CTNNA2: variants seen among roughly 807,000 people sequenced by gnomAD.
The protein encoded by CTNNA2 is catenin alpha-2.
A neutral mutation model predicts 101.0 loss-of-function variants in CTNNA2; 42 were observed. The ratio of observed to expected loss-of-function variants is 0.42; its 90% CI spans 0.32 to 0.54. The LOEUF (loss-of-function observed/expected upper bound fraction) is 0.54. CTNNA2 is among the 20% of genes least tolerant of loss of function. The probability of loss-of-function intolerance (pLI) is 0.14; values close to 1 mark genes in which losing one functional copy is unlikely to be tolerated. For missense variants in CTNNA2, 871 were observed against 1,223.1 expected (o/e 0.71, Z 4.29); for synonymous variants, 450 against 456.4 (o/e 0.99, Z 0.18).
chr2:79,367,030 A>G (rs1677766543), intron 3 of CTNNA2, among the ~76,000 whole-genome samples: 1 of 152,180 alleles, frequency 6.6e-6, no homozygotes, highest in South Asian at 2.1e-4. Context: ...GTATTTGGAG[A>G]TGGAGCCTTT....
At chr2:79,756,437 CT>C (rs1390235931) in intron 3 of CTNNA2, among the ~76,000 whole-genome samples, 1 of 152,006 alleles carries the variant, frequency 6.6e-6, no homozygotes, top group Admixed American at 6.6e-5. Context: ...CATACATTAT[CT>C]GCTAATAAGA....
At chr2:79,461,803 A>G (rs529537062) in intron 4 of CTNNA2, among the ~76,000 whole-genome samples, 34 of 152,272 alleles carry the variant, frequency 2.2e-4, no homozygotes, top group African/African-American at 8.2e-4. Flanking sequence ...CAGCAATATA[A>G]AGGTAAAATT....
intron 3 of CTNNA2, among the ~76,000 whole-genome samples, chr2:79,814,606 T>TACACAC (rs1491289274): frequency 9.8e-6 from 1 of 102,084 alleles, no homozygotes; most frequent in Non-Finnish European, 1.8e-5. Flanking sequence ...TATATGTGTG[T>TACACAC]ATACACACAC....
At chr2:80,351,656 C>T (rs1673307782) in intron 7 of CTNNA2, among the ~76,000 whole-genome samples, 1 of 152,126 alleles carries the variant, frequency 6.6e-6, no homozygotes, top group South Asian at 2.1e-4. Context: ...AGCAGAGGGG[C>T]GTTAATTTCA....
At chr2:79,199,974 C>A (rs111669286) in intron 2 of CTNNA2, among the ~76,000 whole-genome samples, 2 of 152,110 alleles carry the variant, frequency 1.3e-5, no homozygotes, top group African/African-American at 4.8e-5. Flanking sequence ...AATGCTTCTG[C>A]CACCACTTTC....
intron 3 of CTNNA2, among the ~76,000 whole-genome samples, chr2:79,806,061 AT>A (rs57344427): frequency 0.024 from 3,640 of 152,254 alleles, 149 homozygotes; most frequent in African/African-American, 0.083. Flanking sequence ...TGGTGTCAGT[AT>A]AAATTCTCTT....
chr2:80,408,867 A>C (rs1163497361), intron 8 of CTNNA2, among the ~76,000 whole-genome samples: 1 of 152,138 alleles, frequency 6.6e-6, no homozygotes, highest in African/African-American at 2.4e-5. Flanking sequence ...TGACTCTGGC[A>C]TTTTCTATAT....
intron 4 of CTNNA2, among the ~76,000 whole-genome samples, chr2:79,480,011 C>T (rs1310144549): frequency 1.3e-5 from 2 of 152,042 alleles, no homozygotes; most frequent in Non-Finnish European, 2.9e-5. Flanking sequence ...GTACAAGAAG[C>T]ATGGCACTGG....
chr2:80,592,004 A>G (rs1020338935), intron 15 of CTNNA2, among the ~76,000 whole-genome samples: 1 of 152,162 alleles, frequency 6.6e-6, no homozygotes, highest in Non-Finnish European at 1.5e-5. Context: ...TTTTTCAGAA[A>G]GAAATCGCAT....
chr2:79,488,009 T>A (rs1276665417), intron 4 of CTNNA2, among the ~76,000 whole-genome samples: 3 of 152,046 alleles, frequency 2.0e-5, no homozygotes, highest in South Asian at 4.1e-4. Flanking sequence ...TGGTCCTAGT[T>A]CTTCATTTTT....
At position 80,609,758 on chromosome 2, in the gene CTNNA2, A is replaced by G. The variant is rs553556476; in HGVS notation, c.2430+1440A>G. 1.1e-3 allele frequency among the ~76,000 whole-genome samples: 168 copies of G among 151,560 alleles called. 1 individual carries two copies. The highest frequency in any genetic ancestry group is 1.8e-3 in the Non-Finnish European group (123 of 67,764). On this transcript the variant is annotated intron_variant, in intron 17 of 18. Transcript: ENST00000402739. ...GTGTGCTTTCATTTGTTACTTTCCAATCTTATTATTTACATGGATGCGCAA... is the reference window on the plus strand; with the variant it reads ...GTGTGCTTTCATTTGTTACTTTCCAGTCTTATTATTTACATGGATGCGCAA...
chr2:80,618,110 A>G (rs1699003495), intron 17 of CTNNA2, among the ~76,000 whole-genome samples: 1 of 151,544 alleles, frequency 6.6e-6, no homozygotes, highest in Non-Finnish European at 1.5e-5. Context: ...ATTTTCATTG[A>G]AAAAAAATAC....
At chr2:79,784,051 G>C (rs772163308) in intron 3 of CTNNA2, among the ~76,000 whole-genome samples, 4 of 152,106 alleles carry the variant, frequency 2.6e-5, no homozygotes, top group Admixed American at 6.5e-5. Context: ...ATTGAAATAA[G>C]TGACTAGAAT....
intron 4 of CTNNA2, among the ~76,000 whole-genome samples, chr2:79,500,003 G>A (rs1671302264): frequency 6.6e-6 from 1 of 152,108 alleles, no homozygotes; most frequent in Non-Finnish European, 1.5e-5. Context: ...GTTCTATTCA[G>A]GCTTTCAGCT....
At chr2:79,714,733 C>T (rs1685961783) in intron 2 of CTNNA2, among the ~76,000 whole-genome samples, 1 of 152,126 alleles carries the variant, frequency 6.6e-6, no homozygotes, top group African/African-American at 2.4e-5. Context: ...GACAGGATGA[C>T]ATCTGAATTG....
intron 4 of CTNNA2, among the ~76,000 whole-genome samples, chr2:79,498,394 T>C (rs1178534154): frequency 6.6e-6 from 1 of 152,198 alleles, no homozygotes; most frequent in East Asian, 1.9e-4. Context: ...GGAATATCTT[T>C]GGCAGTACAG....
intron 4 of CTNNA2, among the ~76,000 whole-genome samples, chr2:79,403,196 A>G (rs1331774289): frequency 1.3e-5 from 2 of 151,906 alleles, no homozygotes; most frequent in Non-Finnish European, 2.9e-5. Context: ...AAAACCTAAC[A>G]AACTAGACAA....
At chr2:79,801,582 A>AT (rs1185463805) in intron 3 of CTNNA2, among the ~76,000 whole-genome samples, 3 of 117,592 alleles carry the variant, frequency 2.6e-5, no homozygotes, top group Admixed American at 1.6e-4. Flanking sequence ...AGCAGTGCAT[A>AT]CGGGGGCTCA....
chr2:79,876,818 C>A (rs1234951839), intron 6 of CTNNA2, among the ~76,000 whole-genome samples: 2 of 152,116 alleles, frequency 1.3e-5, no homozygotes, highest in Non-Finnish European at 2.9e-5. Flanking sequence ...GTTGAATGTT[C>A]AAGGTTTTTT....
Sources: allele counts gnomAD v4.1 joint callset (sites outside exome capture counted in the v4.1 genomes callset), GRCh38; gene constraint gnomAD v4.1.1; transcripts MANE v1.5; gene names NCBI Gene and HGNC (gene_info 2026-07-23, HGNC 2026-07-21).